The following FHOD3 variants were observed in gnomAD, a reference collection of about 807,000 sequenced individuals.
The protein encoded by FHOD3 is FH1/FH2 domain-containing protein 3.
Under a neutral mutation model 173.0 loss-of-function variants are expected in FHOD3, and 90 were observed. The ratio of observed to expected loss-of-function variants is 0.52; its 90% CI spans 0.44 to 0.62. FHOD3 has a LOEUF of 0.62. Among genes scored for constraint, FHOD3 ranks in the 20% least tolerant of loss-of-function variants. The pLI is 0.00. For synonymous variants in FHOD3, 828 were observed against 823.0 expected (o/e 1.01, Z -0.10); for missense variants, 1,945 against 2,034.7 (o/e 0.96, Z 0.85).
Position 36,355,665 on chromosome 18 carries a change from C to A in FHOD3, c.272+20C>A. Reference sequence around the variant, plus strand: ...CGCCGGGTAAGAGCAACTGTTCACCCTGCTGACTGGTCCCCACCTACCAGG... The same window carrying A: ...CGCCGGGTAAGAGCAACTGTTCACCATGCTGACTGGTCCCCACCTACCAGG... On this transcript the variant is annotated intron_variant, in intron 2 of 28. Coordinates refer to ENST00000590592, the MANE Select transcript of FHOD3 (RefSeq NM_001281740.3). The A allele has an allele frequency of 2.5e-6, 4 of 1,602,984 alleles. No homozygotes were observed. The highest frequency in any genetic ancestry group is 1.7e-6 in the Non-Finnish European group (2 of 1,170,036).
At chr18:36,320,317 A>G (rs954983809) in intron 1 of FHOD3, among the ~76,000 whole-genome samples, 23 of 152,230 alleles carry the variant, frequency 1.5e-4, no homozygotes, top group Non-Finnish European at 1.5e-5. Flanking sequence ...CACCGATCCC[A>G]CAGAAATACA....
intron 27 of FHOD3, among the ~76,000 whole-genome samples, chr18:36,764,244 C>T (rs1041655587): frequency 6.6e-6 from 1 of 152,168 alleles, no homozygotes; most frequent in African/African-American, 2.4e-5. Context: ...GTGAAGAAAA[C>T]AGTCTCATTA....
At position 36,693,418 on chromosome 18, in the gene FHOD3, C is replaced by T. The variant is rs1267585670; in HGVS notation, c.2231C>T (p.Pro744Leu). The change falls in exon 17 of 29, where the codon CCC (proline) becomes CTC (leucine). Residue 744 changes from proline (P) to leucine (L), a missense_variant. This residue lies in a region of FHOD3 where 1,099 missense variants were observed against 1,051.2 expected (regional missense o/e 1.05). Transcript: ENST00000590592. The part of the protein sequence containing the change: ...SASSPGTPHH[P>L]QASAGDPEPE... ...TCCTCCCCAGGAACCCCTCACCATC[C>T]CCAAGGTGAGTACAGGGAGAGTAGA... is the stretch of plus-strand genomic sequence containing the variant. The T allele has an allele frequency of 3.1e-6, 5 of 1,612,642 alleles. No individual in the cohort carries two copies. The highest frequency in any genetic ancestry group is 1.7e-5 in the Admixed American group (1 of 59,974).
At chr18:36,662,218 C>T (rs537507493) in intron 14 of FHOD3, among the ~76,000 whole-genome samples, 17 of 152,292 alleles carry the variant, frequency 1.1e-4, no homozygotes, top group Admixed American at 7.2e-4. Context: ...TCATCAATGG[C>T]GGCTGGAGGC....
chr18:36,639,530 G>A (rs553279971), intron 10 of FHOD3, among the ~76,000 whole-genome samples: 1 of 152,332 alleles, frequency 6.6e-6, no homozygotes, highest in Non-Finnish European at 1.5e-5. Context: ...GGGCGTGGTG[G>A]CGGGTGCCTG....
intron 3 of FHOD3, among the ~76,000 whole-genome samples, chr18:36,490,187 G>A (rs2054396213): frequency 2.0e-5 from 3 of 152,184 alleles, no homozygotes; most frequent in Admixed American, 1.3e-4. Flanking sequence ...TTGATTCTGG[G>A]AGGGAAAATG....
intron 3 of FHOD3, among the ~76,000 whole-genome samples, chr18:36,475,722 A>G (rs2053529199): frequency 1.3e-5 from 2 of 151,826 alleles, no homozygotes; most frequent in South Asian, 2.1e-4. Context: ...GTGGGATTAC[A>G]GGAGACTTTT....
intron 5 of FHOD3, among the ~76,000 whole-genome samples, chr18:36,557,940 C>T (rs935024486): frequency 6.6e-6 from 1 of 152,170 alleles, no homozygotes; most frequent in Non-Finnish European, 1.5e-5. Context: ...GCTAGCTAGC[C>T]CCCATGACTA....
chr18:36,520,672 G>A (rs2056230566), intron 5 of FHOD3, among the ~76,000 whole-genome samples: 1 of 152,208 alleles, frequency 6.6e-6, no homozygotes, highest in Admixed American at 6.5e-5. Flanking sequence ...AGCTTAAAGA[G>A]CCATTGTTGT....
intron 9 of FHOD3, among the ~76,000 whole-genome samples, chr18:36,618,321 T>G (rs1336890625): frequency 7.0e-6 from 1 of 142,556 alleles, no homozygotes; most frequent in East Asian, 2.0e-4. Context: ...GTTTTTTTTT[T>G]TTTTTTTTTT....
rs781710376 is a variant in FHOD3 at position 36,681,590 on chromosome 18, T to G, written c.1970+20T>G. ...ATTCAGGTAAGAAGGATCTTAAGAT[T>G]TTTTTTAAATAGTGAGTTAAAAATT... is the stretch of plus-strand genomic sequence containing the variant. On this transcript the variant is annotated intron_variant, in intron 15 of 28. Coordinates refer to ENST00000590592, the MANE Select transcript of FHOD3 (RefSeq NM_001281740.3). 6.4e-7 allele frequency: 1 copy of G among 1,573,946 alleles called. No homozygotes were observed. The highest frequency in any genetic ancestry group is 1.8e-5 in the Admixed American group (1 of 56,278).
At chr18:36,492,541 T>G (rs1311163374) in intron 3 of FHOD3, among the ~76,000 whole-genome samples, 1 of 152,224 alleles carries the variant, frequency 6.6e-6, no homozygotes, top group African/African-American at 2.4e-5. Context: ...TTTACAATTA[T>G]AACCTCATGC....
chr18:36,526,588 A>C (rs536538800), intron 5 of FHOD3, among the ~76,000 whole-genome samples: 1 of 152,122 alleles, frequency 6.6e-6, no homozygotes, highest in Non-Finnish European at 1.5e-5. Context: ...ATTTTATTAG[A>C]AATGGAGTTT....
At chr18:36,684,719 G>C (rs1189818044) in intron 15 of FHOD3, among the ~76,000 whole-genome samples, 6 of 152,180 alleles carry the variant, frequency 3.9e-5, no homozygotes, top group Admixed American at 2.0e-4. Context: ...GTAGGGACCT[G>C]CGTAATAACA....
chr18:36,570,049 A>C (rs1419256660), intron 5 of FHOD3, among the ~76,000 whole-genome samples: 1 of 152,100 alleles, frequency 6.6e-6, no homozygotes, highest in Non-Finnish European at 1.5e-5. Flanking sequence ...AGAAAATAAT[A>C]AAAGTAGAAA....
At chr18:36,573,382 A>G (rs2058525280) in intron 5 of FHOD3, among the ~76,000 whole-genome samples, 1 of 151,154 alleles carries the variant, frequency 6.6e-6, no homozygotes, top group African/African-American at 2.4e-5. Context: ...AGGCTGGTGG[A>G]TCACTTGAGC....
At chr18:36,599,002 A>G (rs1228845030) in intron 7 of FHOD3, among the ~76,000 whole-genome samples, 1 of 152,200 alleles carries the variant, frequency 6.6e-6, no homozygotes, top group Admixed American at 6.5e-5. Flanking sequence ...TGCACCTTGA[A>G]GTCACTTTCT....
intron 1 of FHOD3, among the ~76,000 whole-genome samples, chr18:36,352,140 A>T (rs910621724): frequency 8.5e-5 from 13 of 152,160 alleles, no homozygotes; most frequent in Non-Finnish European, 1.5e-5. Context: ...GGCTAGGCAC[A>T]ATGGTTCACA....
chr18:36,533,777 C>G (rs2146930353), intron 5 of FHOD3, among the ~76,000 whole-genome samples: 1 of 152,184 alleles, frequency 6.6e-6, no homozygotes, highest in East Asian at 1.9e-4. Context: ...ATGAAAGAGG[C>G]TCCCCGAGGT....
Sources: allele counts gnomAD v4.1 joint callset (sites outside exome capture counted in the v4.1 genomes callset), GRCh38; gene constraint gnomAD v4.1.1; regional missense constraint gnomAD v4.1.1; transcripts MANE v1.5; gene names NCBI Gene and HGNC (gene_info 2026-07-23, HGNC 2026-07-21).